The following ASAP2 variants were observed in gnomAD, a reference collection of about 807,000 sequenced individuals.
ASAP2 encodes the protein arf-GAP with SH3 domain, ANK repeat and PH domain-containing protein 2.
In ASAP2, 45 loss-of-function variants were observed where a neutral mutation model predicts 131.4. That is an observed-to-expected ratio of 0.34 (90% CI 0.27 to 0.44). The LOEUF is 0.44. ASAP2 is among the 20% of genes least tolerant of loss of function. ASAP2 has a pLI of 1.00. For missense variants in ASAP2, 1,011 were observed against 1,297.0 expected (o/e 0.78, Z 3.39); for synonymous variants, 510 against 503.0 (o/e 1.01, Z -0.19).
chr2:9,297,549 GT>G lies in ASAP2; in HGVS notation c.345+106del, dbSNP rs1179921972. The G allele has an allele frequency of 4.5e-6, 6 of 1,343,580 alleles. No individual in the cohort carries two copies. The East Asian group carries it at 1.4e-4, about 32-fold the overall frequency. The allele number at this position is 1,343,580 out of a possible 1,614,324, so 83.2% of individuals were successfully genotyped here. A position where few individuals can be genotyped will look rare whatever the true frequency, so the allele number is the denominator to read the frequency against. ...TGATAAACTAGGAATGCATTTCATAGTTCCTTGGGTACCCAAAAGAATTATG... is the reference window on the plus strand; with the variant it reads ...TGATAAACTAGGAATGCATTTCATAGTCCTTGGGTACCCAAAAGAATTATG... On this transcript the variant is annotated intron_variant, in intron 3 of 27. Coordinates refer to ENST00000281419, the MANE Select transcript of ASAP2 (RefSeq NM_003887.3).
chr2:9,400,493 C>T (rs187745759), intron 25 of ASAP2, among the ~76,000 whole-genome samples: 8 of 150,422 alleles, frequency 5.3e-5, no homozygotes, highest in African/African-American at 2.0e-4. Flanking sequence ...GACCCCTGCT[C>T]CTGAGCAGCT....
intron 1 of ASAP2, among the ~76,000 whole-genome samples, chr2:9,274,154 T>C (rs1299703344): frequency 6.6e-6 from 1 of 152,174 alleles, no homozygotes; most frequent in Non-Finnish European, 1.5e-5. Context: ...ATGGCATCTT[T>C]AGGTTTTTCC....
intron 1 of ASAP2, among the ~76,000 whole-genome samples, chr2:9,239,847 C>T (rs1020369096): frequency 4.6e-5 from 7 of 151,958 alleles, no homozygotes; most frequent in Admixed American, 2.0e-4. Context: ...CCACCTCAGC[C>T]TCTTGAGTAG....
chr2:9,395,016 C>T (rs547714214), intron 24 of ASAP2, among the ~76,000 whole-genome samples: 93 of 152,298 alleles, frequency 6.1e-4, no homozygotes, highest in Admixed American at 1.3e-3. Context: ...CCTCATATCA[C>T]GGTGGCTGGG....
At position 9,376,110 on chromosome 2, in the gene ASAP2, C is replaced by A. The variant is rs557895859; in HGVS notation, c.1747-798C>A. ...GATGCCTCACGGCTGCAGCATCTTTCTCTTGGTAACAGGCATGTCCGTGCA... is the reference window on the plus strand; with the variant it reads ...GATGCCTCACGGCTGCAGCATCTTTATCTTGGTAACAGGCATGTCCGTGCA... On this transcript the variant is annotated intron_variant, in intron 17 of 27. Coordinates refer to ENST00000281419, the MANE Select transcript of ASAP2 (RefSeq NM_003887.3). Among the ~76,000 whole-genome samples, 47 of 152,364 alleles carry A rather than the reference C, an allele frequency of 3.1e-4. 1 individual carries two copies. In the South Asian group the frequency reaches 9.1e-3, roughly 30 times the overall value.
In ASAP2 at chr2:9,217,926, T is replaced by A. The variant is rs978907805; in HGVS notation, c.126+10696T>A. Among the ~76,000 whole-genome samples, 2 of 145,026 alleles carry A rather than the reference T, an allele frequency of 1.4e-5. No homozygotes were observed. Among genetic ancestry groups the A allele is most frequent in the South Asian group, 2.2e-4 (1 of 4,568 alleles). Reference sequence around the variant, plus strand: ...ACCACGCCTGGCTTTTTTTTTTTTTTACATGAAAAAATAATGATGACAATG... The same window carrying A: ...ACCACGCCTGGCTTTTTTTTTTTTTAACATGAAAAAATAATGATGACAATG... On this transcript the variant is annotated intron_variant, in intron 1 of 27. Coordinates refer to ENST00000281419, the MANE Select transcript of ASAP2 (RefSeq NM_003887.3). This position sits in a 1 kb window ranked among gnomAD's most constrained non-coding sequence, Gnocchi z 4.0.
chr2:9,248,478 A>G (rs181978873), intron 1 of ASAP2, among the ~76,000 whole-genome samples: 1 of 151,986 alleles, frequency 6.6e-6, no homozygotes, highest in African/African-American at 2.4e-5. Context: ...TTGGAGTCGC[A>G]GTCCAGGGTG....
intron 3 of ASAP2, among the ~76,000 whole-genome samples, chr2:9,318,269 A>G (rs575277742): frequency 6.6e-6 from 1 of 152,354 alleles, no homozygotes. Context: ...GTCTCTTTAC[A>G]AACTTTCTAG....
At chr2:9,309,980 C>G (rs1669196313) in intron 3 of ASAP2, among the ~76,000 whole-genome samples, 1 of 152,210 alleles carries the variant, frequency 6.6e-6, no homozygotes, top group Admixed American at 6.5e-5. Flanking sequence ...CTGGAGGTGG[C>G]TGGAAGCTTC....
rs10188737 is a variant in ASAP2, at chr2:9,250,930, A to G, written c.127-28387A>G. ...CCCGGGGAACTTAAAACAGTGAACT[A>G]TGAAACGAGGCGTGGTGAAAGTCAA... On this transcript the variant is annotated intron_variant, in intron 1 of 27. Transcript: ENST00000281419. Among the ~76,000 whole-genome samples, 1,304 of 152,332 alleles carry G rather than the reference A, an allele frequency of 8.6e-3. 16 individuals carry two copies. Among genetic ancestry groups the G allele is most frequent in the African/African-American group, 0.029 (1,213 of 41,566 alleles).
At chr2:9,270,785 A>ATTTTCTTTTTTTTTTTTTTTT (rs1666299453) in intron 1 of ASAP2, among the ~76,000 whole-genome samples, 2 of 52,924 alleles carry the variant, frequency 3.8e-5, no homozygotes, top group Non-Finnish European at 6.9e-5. Context: ...AATTGTTTTC[A>ATTTTCTTTTTTTTTTTTTTTT]TTTTTTTTTT....
intron 7 of ASAP2, among the ~76,000 whole-genome samples, chr2:9,331,917 G>T (rs1456227501): frequency 6.6e-6 from 1 of 152,166 alleles, no homozygotes; most frequent in Non-Finnish European, 1.5e-5. Context: ...CCCGGATGCT[G>T]CAGAAGCTTG....
chr2:9,215,339 A>T (rs1240064241), intron 1 of ASAP2, among the ~76,000 whole-genome samples: 1 of 152,152 alleles, frequency 6.6e-6, no homozygotes, highest in Non-Finnish European at 1.5e-5. Context: ...TATTTTAAAA[A>T]TTTTTACCAT....
intron 1 of ASAP2, among the ~76,000 whole-genome samples, chr2:9,241,186 T>A (rs1663937953): frequency 6.6e-6 from 1 of 152,268 alleles, no homozygotes; most frequent in Non-Finnish European, 1.5e-5. Flanking sequence ...GAAATATTAT[T>A]AGCTCACATA....
intron 3 of ASAP2, 71 bp downstream of exon 3, chr2:9,297,516 G>A (rs900151570): frequency 2.1e-5 from 32 of 1,554,790 alleles, no homozygotes; most frequent in African/African-American, 2.7e-5. Flanking sequence ...GGATAGTTAT[G>A]GTTTGTTTGA....
intron 1 of ASAP2, among the ~76,000 whole-genome samples, chr2:9,259,317 G>C (rs973903023): frequency 6.6e-6 from 1 of 152,216 alleles, no homozygotes; most frequent in African/African-American, 2.4e-5. Flanking sequence ...GCCAAGGGCC[G>C]CCATCCCTGC....
intron 1 of ASAP2, among the ~76,000 whole-genome samples, chr2:9,272,924 A>T (rs972531893): frequency 1.3e-5 from 2 of 152,192 alleles, no homozygotes; most frequent in Admixed American, 6.5e-5. Flanking sequence ...TTTTTATGCC[A>T]GTACCATACT....
At chr2:9,256,479 A>G (rs1665172396) in intron 1 of ASAP2, among the ~76,000 whole-genome samples, 2 of 152,236 alleles carry the variant, frequency 1.3e-5, no homozygotes, top group Non-Finnish European at 2.9e-5. Flanking sequence ...CTTGTCTAAC[A>G]TATCTGAGAT....
At position 9,385,366 on chromosome 2, in the gene ASAP2, C is replaced by A; in HGVS notation, c.2130+8C>A. 1 of 1,602,558 alleles carries A rather than the reference C, an allele frequency of 6.2e-7. No homozygotes were observed. The highest frequency in any genetic ancestry group is 8.6e-7 in the Non-Finnish European group (1 of 1,169,420). On this transcript the variant is annotated splice_region_variant and intron_variant, in intron 21 of 27. Transcript: ENST00000281419. Reference sequence around the variant, plus strand: ...ATGGATGAGAAATTGCAGGTCTGTGCCAGGTTGCTAACCATTAAGAGTTTT... The same window carrying A: ...ATGGATGAGAAATTGCAGGTCTGTGACAGGTTGCTAACCATTAAGAGTTTT...
Sources: gnomAD v4.1 joint callset for allele counts (sites outside exome capture counted in the v4.1 genomes callset) on GRCh38, gnomAD v4.1.1 for gene constraint, Gnocchi (gnomAD v3.1) non-coding constraint, MANE v1.5 for transcripts, NCBI Gene and HGNC (gene_info 2026-07-23, HGNC 2026-07-21) for gene names.